SLC2A13: variants seen among roughly 807,000 people sequenced by gnomAD.
SLC2A13 encodes the protein solute carrier family 2 member 13.
Under a neutral mutation model 64.4 loss-of-function variants are expected in SLC2A13, and 32 were observed. The ratio of observed to expected loss-of-function variants is 0.50; its 90% CI spans 0.37 to 0.67. The LOEUF (loss-of-function observed/expected upper bound fraction) is 0.67, where lower values mean the gene tolerates loss of function less well. Ranked by LOEUF, SLC2A13 falls within the 30% of genes least tolerant of loss-of-function variation. The pLI is 0.00. For missense variants in SLC2A13, 743 were observed against 829.2 expected (o/e 0.90, Z 1.28); for synonymous variants, 338 against 327.1 (o/e 1.03, Z -0.36).
At chr12:40,040,685 C>A (rs774068562) in intron 2 of SLC2A13, among the ~76,000 whole-genome samples, 1 of 152,192 alleles carries the variant, frequency 6.6e-6, no homozygotes, top group African/African-American at 2.4e-5. Flanking sequence ...AGCCATGGCA[C>A]CTGGCAGGTA....
intron 7 of SLC2A13, among the ~76,000 whole-genome samples, chr12:39,827,032 A>G (rs1942709174): frequency 6.7e-6 from 1 of 150,296 alleles, no homozygotes; most frequent in African/African-American, 2.4e-5. Context: ...ACCGCAGTTA[A>G]CTTTTGCACC....
chr12:40,102,966 T>C (rs1335931354), intron 1 of SLC2A13, among the ~76,000 whole-genome samples: 4 of 152,262 alleles, frequency 2.6e-5, no homozygotes, highest in Non-Finnish European at 5.9e-5. Flanking sequence ...TCTTAAAACA[T>C]TCTTCATTTT....
At chr12:39,961,630 T>C (rs950259693) in intron 3 of SLC2A13, among the ~76,000 whole-genome samples, 7 of 151,788 alleles carry the variant, frequency 4.6e-5, no homozygotes, top group Admixed American at 6.6e-5. Context: ...TCCCGAGTAG[T>C]TGAGACCACA....
chr12:39,824,493 C>T (rs1942613837), intron 7 of SLC2A13, among the ~76,000 whole-genome samples: 1 of 152,168 alleles, frequency 6.6e-6, no homozygotes, highest in Non-Finnish European at 1.5e-5. Flanking sequence ...TACCTGTGTT[C>T]AATCGGAGTC....
intron 7 of SLC2A13, among the ~76,000 whole-genome samples, chr12:39,810,926 T>C (rs1942138259): frequency 6.6e-6 from 1 of 152,154 alleles, no homozygotes; most frequent in South Asian, 2.1e-4. Flanking sequence ...GTAATGAAGA[T>C]AAAACCAACC....
At chr12:40,052,725 G>A (rs1455739338) in intron 1 of SLC2A13, among the ~76,000 whole-genome samples, 1 of 152,068 alleles carries the variant, frequency 6.6e-6, no homozygotes, top group Non-Finnish European at 1.5e-5. Context: ...CGGCCAGGTA[G>A]GGCTTGGGAG....
intron 1 of SLC2A13, among the ~76,000 whole-genome samples, chr12:40,098,029 ATGTATATATGTATATATG>A (rs1454611552): frequency 1.4e-5 from 2 of 146,354 alleles, no homozygotes; most frequent in Non-Finnish European, 3.0e-5. Flanking sequence ...GTGTATATGT[ATGTATATATGTATATATG>A]TGTATATATG....
intron 5 of SLC2A13, among the ~76,000 whole-genome samples, chr12:39,871,229 A>G (rs945646074): frequency 1.3e-5 from 2 of 152,222 alleles, no homozygotes; most frequent in Non-Finnish European, 2.9e-5. Context: ...GGGAATTAAA[A>G]AAAAGGTTTT....
intron 6 of SLC2A13, among the ~76,000 whole-genome samples, chr12:39,842,180 T>C (rs1490883261): frequency 4.3e-4 from 65 of 152,168 alleles, no homozygotes; most frequent in Admixed American, 4.3e-3. Flanking sequence ...GAAAGCAGGC[T>C]GAACAATATA....
chr12:40,084,567 G>A (rs1938530123), intron 1 of SLC2A13, among the ~76,000 whole-genome samples: 1 of 152,142 alleles, frequency 6.6e-6, no homozygotes, highest in South Asian at 2.1e-4. Flanking sequence ...AAATCCAATG[G>A]AGCATTCTAT....
intron 1 of SLC2A13, among the ~76,000 whole-genome samples, chr12:40,076,331 C>T (rs1190889298): frequency 1.3e-5 from 2 of 152,080 alleles, no homozygotes; most frequent in Non-Finnish European, 2.9e-5. Context: ...TCAAATAAGC[C>T]CAGTCAGGGT....
At chr12:39,979,454 T>C (rs1277207346) in intron 3 of SLC2A13, among the ~76,000 whole-genome samples, 1 of 143,672 alleles carries the variant, frequency 7.0e-6, no homozygotes, top group Admixed American at 6.9e-5. Context: ...ATAACTAGAA[T>C]AACCAATACA....
At chr12:39,858,635 C>G (rs1211582937) in intron 6 of SLC2A13, among the ~76,000 whole-genome samples, 1 of 152,128 alleles carries the variant, frequency 6.6e-6, no homozygotes, top group African/African-American at 2.4e-5. Context: ...GAGATGGAGT[C>G]TTGCACTATT....
At chr12:40,014,203 C>G (rs576463615) in intron 3 of SLC2A13, among the ~76,000 whole-genome samples, 2 of 152,188 alleles carry the variant, frequency 1.3e-5, no homozygotes, top group South Asian at 2.1e-4. Flanking sequence ...GTATTTCTGG[C>G]CCAGAGGTAA....
chr12:39,789,345 A>T (rs1243511734), intron 7 of SLC2A13, among the ~76,000 whole-genome samples: 1 of 152,150 alleles, frequency 6.6e-6, no homozygotes, highest in Non-Finnish European at 1.5e-5. Flanking sequence ...TCTTAATATT[A>T]TGCTTTTGAA....
chr12:40,099,067 G>A (rs1316972141), intron 1 of SLC2A13, among the ~76,000 whole-genome samples: 1 of 152,174 alleles, frequency 6.6e-6, no homozygotes, highest in Non-Finnish European at 1.5e-5. Context: ...TTCAAATGGT[G>A]GCCTTTAATA....
At chr12:39,854,320 A>C (rs1943548255) in intron 6 of SLC2A13, among the ~76,000 whole-genome samples, 1 of 152,184 alleles carries the variant, frequency 6.6e-6, no homozygotes, top group Non-Finnish European at 1.5e-5. Flanking sequence ...AATATGAATA[A>C]TACTTGAATA....
chr12:40,052,150 G>T (rs1297562097), intron 1 of SLC2A13, among the ~76,000 whole-genome samples: 1 of 152,152 alleles, frequency 6.6e-6, no homozygotes, highest in Non-Finnish European at 1.5e-5. Context: ...AATGAAGTTT[G>T]AGTACAAGAT....
chr12:39,894,972 A>C (rs1189597116), intron 4 of SLC2A13, among the ~76,000 whole-genome samples: 1 of 152,192 alleles, frequency 6.6e-6, no homozygotes, highest in Admixed American at 6.5e-5. Flanking sequence ...TGTGCTTAAG[A>C]AGCATCATGG....
Sources: allele counts gnomAD v4.1 joint callset (sites outside exome capture counted in the v4.1 genomes callset), GRCh38; gene constraint gnomAD v4.1.1; transcripts MANE v1.5; gene names NCBI Gene and HGNC (gene_info 2026-07-23, HGNC 2026-07-21).